VSTM2A: variants seen among roughly 807,000 people sequenced by gnomAD.
VSTM2A encodes the protein V-set and transmembrane domain-containing protein 2A.
A neutral mutation model predicts 27.3 loss-of-function variants in VSTM2A; 13 were observed. That is an observed-to-expected ratio of 0.48 (90% CI 0.31 to 0.76). VSTM2A has a LOEUF of 0.76. VSTM2A is among the 30% of genes least tolerant of loss of function. The probability of loss-of-function intolerance (pLI) is 0.05; values close to 1 mark genes in which losing one functional copy is unlikely to be tolerated. For missense variants in VSTM2A, 280 were observed against 310.0 expected (o/e 0.90, Z 0.73); for synonymous variants, 142 against 125.7 (o/e 1.13, Z -0.87).
intron 2 of VSTM2A, 81 bp from the exon 3 acceptor site, chr7:54,546,866 A>G: frequency 1.3e-6 from 2 of 1,557,496 alleles, no homozygotes; most frequent in Non-Finnish European, 1.7e-6. Context: ...CCCTGCCCGG[A>G]GCCGCGAAGG....
rs1787814728 is a variant in VSTM2A at position 54,542,536 on chromosome 7, T to C, written c.-195T>C. ...GGGCTCCGCAGGAAGCCTCGCTGAA[T>C]CCCAGCCAGCTGGTTCTAACCTTCC... is the stretch of plus-strand genomic sequence containing the variant. On this transcript the variant is annotated 5_prime_UTR_variant, in exon 1 of 5. Transcript: ENST00000402613. 5.1e-6 allele frequency: 3 copies of C among 585,888 alleles called. No homozygotes were observed. Among genetic ancestry groups the C allele is most frequent in the Non-Finnish European group, 9.1e-6 (3 of 331,086 alleles). The allele number at this position is 585,888 out of a possible 1,614,324, so 36.3% of individuals were successfully genotyped here.
intron 4 of VSTM2A, chr7:54,559,893 T>C (rs1034028778): frequency 1.3e-5 from 2 of 152,048 alleles, no homozygotes; most frequent in African/African-American, 4.8e-5. Flanking sequence ...AAAAAATATA[T>C]AGCATACAGA....
chr7:54,546,695 G>A (rs1584045434), intron 2 of VSTM2A: 1 of 448,674 alleles, frequency 2.2e-6, no homozygotes, highest in Non-Finnish European at 4.0e-6. Flanking sequence ...ACAGCGCCGG[G>A]ACAGCCCCGG....
intron 4 of VSTM2A, chr7:54,559,432 C>T (rs1280613584): frequency 1.3e-5 from 2 of 151,890 alleles, no homozygotes; most frequent in East Asian, 1.9e-4. Context: ...AGTCAAAACA[C>T]CTTCTCATTA....
At chr7:54,546,830 C>T in intron 2 of VSTM2A, 117 bp from the exon 3 acceptor site, 3 of 1,413,838 alleles carry the variant, frequency 2.1e-6, no homozygotes, top group Non-Finnish European at 2.8e-6. Flanking sequence ...CCTGGTCGCT[C>T]CCCTGTCCCC....
chr7:54,551,354 T>A (rs1788186031), intron 4 of VSTM2A: 1 of 152,152 alleles, frequency 6.6e-6, no homozygotes, highest in Non-Finnish European at 1.5e-5. Context: ...TCCTAATGGA[T>A]GTGATTTGCA....
At position 54,569,159 on chromosome 7, in the gene VSTM2A, G is replaced by A. The variant is rs753419975; in HGVS notation, c.663G>A (p.Thr221=). The change falls in exon 5 of 5, where the codon ACG becomes ACA. Residue 221 remains threonine (T), a synonymous_variant. Transcript: ENST00000402613. ...SAKSKSPVKS[T]ERTAKLTLNS... is the part of the protein sequence containing the mutation. ...AGAGCAAATCGCCTGTAAAATCTAC[G>A]GAGCGGACAGCAAAGTTGACCCTAA... 39 of 1,553,136 alleles carry A rather than the reference G, an allele frequency of 2.5e-5. No homozygotes were observed. The highest frequency in any genetic ancestry group is 3.1e-5 in the Non-Finnish European group (36 of 1,147,636).
chr7:54,549,786 A>G (rs1295464742), intron 3 of VSTM2A, 48 bp from the exon 4 acceptor site: 1 of 1,489,186 alleles, frequency 6.7e-7, no homozygotes, highest in African/African-American at 1.4e-5. Flanking sequence ...ATGGAACAAA[A>G]TCATTTGATG....
rs752266451 is a variant in VSTM2A, at chr7:54,544,748, C to T, written c.206C>T (p.Pro69Leu). 5.0e-6 allele frequency: 8 copies of T among 1,612,256 alleles called. No homozygotes were observed. The highest frequency in any genetic ancestry group is 1.7e-5 in the Admixed American group (1 of 59,998). Residue 69 changes from proline to leucine, a missense_variant, in exon 2 of 5, where the codon CCG becomes CTG. By Grantham distance (98) the Pro-to-Leu change is moderately conservative. Transcript: ENST00000402613. ...ATCCAATGGTGGTTCCTGCGGGGGC[C>T]GGAGGACCTGGATCCCGGGGCCGAG... ...LEIQWWFLRG[P>L]EDLDPGAEGA...
At chr7:54,568,298 AC>A (rs1323183071) in intron 4 of VSTM2A, among the ~76,000 whole-genome samples, 1 of 152,184 alleles carries the variant, frequency 6.6e-6, no homozygotes, top group Non-Finnish European at 1.5e-5. Context: ...CCCTTCGAAC[AC>A]ATTTAATCTT....
intron 4 of VSTM2A, chr7:54,557,760 A>G (rs1338678895): frequency 2.0e-5 from 3 of 152,232 alleles, no homozygotes; most frequent in Non-Finnish European, 2.9e-5. Context: ...TAGTTGCTGT[A>G]ATAATATGAC....
chr7:54,565,063 GATGAGT>G, intron 4 of VSTM2A, among the ~76,000 whole-genome samples: 1 of 88,442 alleles, frequency 1.1e-5, no homozygotes, highest in Middle Eastern at 9.3e-3. Context: ...CCTCTGAAAA[GATGAGT>G]ATACATTCAA....
intron 2 of VSTM2A, among the ~76,000 whole-genome samples, chr7:54,545,676 G>A (rs1202726770): frequency 1.2e-5 from 1 of 82,422 alleles, no homozygotes; most frequent in African/African-American, 5.6e-5. Context: ...AAAGAGAGAG[G>A]GAAGGGGGAA....
intron 4 of VSTM2A, among the ~76,000 whole-genome samples, chr7:54,567,034 C>G (rs1788746121): frequency 1.3e-5 from 2 of 152,142 alleles, no homozygotes; most frequent in African/African-American, 4.8e-5. Flanking sequence ...TTTAGATCCT[C>G]AGATTTCATT....
chr7:54,546,683 G>C (rs1242458715), intron 2 of VSTM2A: 6 of 412,120 alleles, frequency 1.5e-5, no homozygotes, highest in Non-Finnish European at 2.6e-5. Flanking sequence ...GACAGCGCCG[G>C]GACAGCGCCG....
rs182493517 is a variant in VSTM2A at position 54,563,002 on chromosome 7, T to G, written c.635-6129T>G. 2.4e-3 allele frequency among the ~76,000 whole-genome samples: 362 copies of G among 152,336 alleles called. 1 individual carries two copies. The highest frequency in any genetic ancestry group is 8.2e-3 in the African/African-American group (343 of 41,584). On this transcript the variant is annotated intron_variant, in intron 4 of 4. Transcript: ENST00000402613. Reference sequence around the variant, plus strand: ...ATATATCAGTAAATGTAGTGCTAATTATAAAGCATTCTTATTTATGCATTA... The same window carrying G: ...ATATATCAGTAAATGTAGTGCTAATGATAAAGCATTCTTATTTATGCATTA...
intron 4 of VSTM2A, among the ~76,000 whole-genome samples, chr7:54,564,537 A>G (rs111397209): frequency 2.6e-5 from 4 of 152,326 alleles, no homozygotes; most frequent in African/African-American, 7.2e-5. Flanking sequence ...AACTTATCAA[A>G]TGTACATGGA....
intron 4 of VSTM2A, among the ~76,000 whole-genome samples, chr7:54,564,543 A>G (rs751864890): frequency 1.4e-4 from 21 of 152,232 alleles, no homozygotes; most frequent in Non-Finnish European, 2.1e-4. Flanking sequence ...TCAAATGTAC[A>G]TGGAATAAGT....
In VSTM2A at chr7:54,550,112, G is replaced by A. The variant is rs139283640; in HGVS notation, c.576G>A (p.Thr192=). ...TCCATGGCTCTGCCAACCAACGAACGCACTCCACCTCCAGCCCTCAAGTGG... is the reference window on the plus strand; with the variant it reads ...TCCATGGCTCTGCCAACCAACGAACACACTCCACCTCCAGCCCTCAAGTGG... ...SSIHGSANQR[T]HSTSSPQVVA... The change falls in exon 4 of 5, where the codon ACG becomes ACA. Residue 192 remains threonine, a synonymous_variant. Coordinates refer to ENST00000402613, the MANE Select transcript of VSTM2A (RefSeq NM_001301009.2). 9.3e-6 allele frequency: 15 copies of A among 1,607,582 alleles called. 1 individual carries two copies. Among genetic ancestry groups the A allele is most frequent in the Admixed American group, 3.4e-5 (2 of 59,216 alleles).
Sources: allele counts gnomAD v4.1 joint callset (sites outside exome capture counted in the v4.1 genomes callset), GRCh38; gene constraint gnomAD v4.1.1; transcripts MANE v1.5; gene names NCBI Gene and HGNC (gene_info 2026-07-23, HGNC 2026-07-21).